The following NPTX2 variants were observed in gnomAD, a reference collection of about 807,000 sequenced individuals.
NPTX2 encodes neuronal pentraxin-2.
NPTX2 carries 23 observed loss-of-function variants against 38.1 expected under a neutral mutation model. The observed-to-expected ratio is 0.60, with a 90% CI of 0.43 to 0.85. The LOEUF (loss-of-function observed/expected upper bound fraction) is 0.85. Ranked by LOEUF, NPTX2 falls within the 40% of genes least tolerant of loss-of-function variation. NPTX2 has a pLI of 0.00. For missense variants in NPTX2, 553 were observed against 615.3 expected, an observed-to-expected ratio of 0.90 and a Z score of 1.07; for synonymous variants, 291 against 287.3, an observed-to-expected ratio of 1.01 and a Z score of -0.13.
rs555892649 is a variant in NPTX2, at chr7:98,617,703, G to T, written c.242G>T (p.Arg81Leu). The T allele has an allele frequency of 6.8e-5, 98 of 1,441,480 alleles. No homozygotes were observed. Among genetic ancestry groups the T allele is most frequent in the Non-Finnish European group, 8.3e-5 (92 of 1,109,050 alleles). 89.3% of individuals were successfully genotyped at this position (1,441,480 alleles called of 1,614,324 possible). The change falls in exon 1 of 5, where the codon CGC (arginine) becomes CTC (leucine). Residue 81 changes from arginine (R) to leucine (L), a missense_variant. By Grantham distance (102) the Arg-to-Leu change is moderately radical. Transcript: ENST00000265634. Reference protein sequence around the residue: ...VQQKETLGAQREAIRELTGKL... With the variant: ...VQQKETLGAQLEAIRELTGKL... ...CAGAAGGAGACGCTGGGCGCGCAGC[G>T]CGAGGCCATCCGCGAGCTCACGGGC...
chr7:98,623,858 T>C (rs1791306253), intron 2 of NPTX2, among the ~76,000 whole-genome samples: 3 of 152,210 alleles, frequency 2.0e-5, no homozygotes, highest in Admixed American at 2.0e-4. Flanking sequence ...AGTTATAAGA[T>C]GTGGCTAAGG....
intron 2 of NPTX2, among the ~76,000 whole-genome samples, chr7:98,624,395 G>T (rs1791312564): frequency 6.6e-6 from 1 of 152,116 alleles, no homozygotes; most frequent in African/African-American, 2.4e-5. Context: ...ACCCATCCAA[G>T]AGCTTTTTTT....
At chr7:98,627,432 A>C (rs1263371461) in intron 4 of NPTX2, 88 bp downstream of exon 4, 2 of 1,127,214 alleles carry the variant, frequency 1.8e-6, no homozygotes, top group Non-Finnish European at 2.6e-6. Context: ...TGGTGCGAGG[A>C]GGGGCCAACT....
In NPTX2 at chr7:98,617,827, C is replaced by A. The variant is rs1791197787; in HGVS notation, c.366C>A (p.His122Gln). 2 of 1,547,386 alleles carry A rather than the reference C, an allele frequency of 1.3e-6. No individual in the cohort carries two copies. Among genetic ancestry groups the A allele is most frequent in the African/African-American group, 1.4e-5 (1 of 72,710 alleles). Residue 122 changes from histidine (H) to glutamine (Q), a missense_variant, in exon 1 of 5, where the codon CAC (histidine) becomes CAA (glutamine). By Grantham distance (24) the His-to-Gln change is conservative. Coordinates refer to ENST00000265634, the MANE Select transcript of NPTX2 (RefSeq NM_002523.3). ...TMGDLPRDPG[H>Q]VVEQLSRSLQ... Reference sequence around the variant, plus strand: ...GCGACCTGCCGCGGGACCCCGGCCACGTCGTGGAGCAGCTCAGCCGCTCGC... The same window carrying A: ...GCGACCTGCCGCGGGACCCCGGCCAAGTCGTGGAGCAGCTCAGCCGCTCGC...
chr7:98,625,290 C>T (rs902191439), intron 3 of NPTX2, 124 bp downstream of exon 3: 12 of 1,068,188 alleles, frequency 1.1e-5, no homozygotes, highest in Admixed American at 2.9e-5. Context: ...CATGGGACTG[C>T]GGGGCTGTCC....
intron 2 of NPTX2, among the ~76,000 whole-genome samples, chr7:98,621,153 A>T (rs1462402778): frequency 6.6e-6 from 1 of 151,924 alleles, no homozygotes; most frequent in Non-Finnish European, 1.5e-5. Context: ...CACTGGGCTT[A>T]CTCCTAAGGT....
chr7:98,624,617 C>A (rs1485275241), intron 2 of NPTX2, among the ~76,000 whole-genome samples: 1 of 152,158 alleles, frequency 6.6e-6, no homozygotes, highest in African/African-American at 2.4e-5. Flanking sequence ...CCCGGCCACT[C>A]CCCGTCTTAG....
intron 3 of NPTX2, among the ~76,000 whole-genome samples, chr7:98,626,908 C>A (rs79474547): frequency 6.6e-6 from 1 of 152,172 alleles, no homozygotes; most frequent in African/African-American, 2.4e-5. Context: ...TCAGGGCCAG[C>A]GTGGGGGTGT....
rs1459083563 is a variant in NPTX2 at position 98,619,817 on chromosome 7, A to C, written c.601A>C (p.Thr201Pro). 1 of 1,613,890 alleles carries C rather than the reference A, an allele frequency of 6.2e-7. No homozygotes were observed. The highest frequency in any genetic ancestry group is 1.7e-5 in the Admixed American group (1 of 60,018). Reference sequence around the variant, plus strand: ...GGCTCACCGGCAGAAGACCGAGAGCACCCTGAACGCGCTGCTGCAGAGGGT... The same window carrying C: ...GGCTCACCGGCAGAAGACCGAGAGCCCCCTGAACGCGCTGCTGCAGAGGGT... ...TSAHRQKTES[T>P]LNALLQRVTE... The change falls in exon 2 of 5, where the codon ACC becomes CCC. Residue 201 changes from threonine to proline, a missense_variant. Physicochemically the swap from Thr to Pro is conservative, Grantham distance 38. Coordinates refer to ENST00000265634, the MANE Select transcript of NPTX2 (RefSeq NM_002523.3).
At chr7:98,619,033 C>T (rs915612768) in intron 1 of NPTX2, among the ~76,000 whole-genome samples, 1 of 152,074 alleles carries the variant, frequency 6.6e-6, no homozygotes, top group Non-Finnish European at 1.5e-5. Flanking sequence ...AATAGCTTGC[C>T]ATGAACTCAT....
chr7:98,628,301 T>C, intron 4 of NPTX2, 101 bp from the exon 5 acceptor site: 1 of 642,658 alleles, frequency 1.6e-6, no homozygotes, highest in Non-Finnish European at 2.9e-6. Flanking sequence ...TGGTCAGAGC[T>C]GGGGGGCATC....
chr7:98,626,136 T>C (rs1562851058), intron 3 of NPTX2, among the ~76,000 whole-genome samples: 1 of 122,800 alleles, frequency 8.1e-6, no homozygotes, highest in Non-Finnish European at 1.6e-5. Flanking sequence ...GACAGAGCGA[T>C]ACCCTGTCTC....
At chr7:98,621,598 T>C (rs1416288449) in intron 2 of NPTX2, among the ~76,000 whole-genome samples, 1 of 152,210 alleles carries the variant, frequency 6.6e-6, no homozygotes, top group Non-Finnish European at 1.5e-5. Context: ...TTGGAAACGA[T>C]GCCAAGTTTC....
chr7:98,623,168 G>A (rs1270764948), intron 2 of NPTX2, among the ~76,000 whole-genome samples: 2 of 152,178 alleles, frequency 1.3e-5, no homozygotes, highest in African/African-American at 2.4e-5. Context: ...CTGAGCCCTT[G>A]TGGATGCTTA....
intron 3 of NPTX2, 91 bp from the exon 4 acceptor site, chr7:98,627,074 G>A (rs80240522): frequency 1.3e-6 from 1 of 797,010 alleles, no homozygotes; most frequent in East Asian, 2.6e-5. Context: ...GTGGCCCAGG[G>A]GGACTGTGGG....
chr7:98,625,425 G>A (rs930096710), intron 3 of NPTX2, among the ~76,000 whole-genome samples: 2 of 152,204 alleles, frequency 1.3e-5, no homozygotes, highest in African/African-American at 4.8e-5. Context: ...TGGAAGGGCA[G>A]AAGGAACAGA....
chr7:98,624,969 C>G lies in NPTX2; in HGVS notation c.691C>G (p.Leu231Val), dbSNP rs1255809930. 1.2e-6 allele frequency: 2 copies of G among 1,613,928 alleles called. No homozygotes were observed. Among genetic ancestry groups the G allele is most frequent in the South Asian group, 2.2e-5 (2 of 91,082 alleles). ...SPDAFKVSLP[L>V]RTNYLYGKIK... Reference sequence around the variant, plus strand: ...AGATGCGTTCAAGGTGTCCCTCCCACTCCGCACAAACTACCTATACGGCAA... The same window carrying G: ...AGATGCGTTCAAGGTGTCCCTCCCAGTCCGCACAAACTACCTATACGGCAA... The change falls in exon 3 of 5, where the codon CTC becomes GTC. Residue 231 changes from leucine (L) to valine (V), a missense_variant. Leu to Val is a conservative substitution (Grantham distance 32). Transcript: ENST00000265634.
In NPTX2 at chr7:98,627,085, G is replaced by T. The variant is rs934079178; in HGVS notation, c.889-80G>T. 4.4e-6 allele frequency: 4 copies of T among 905,916 alleles called. No homozygotes were observed. The South Asian group carries it at 6.0e-5, about 14-fold the overall frequency. The allele number at this position is 905,916 out of a possible 1,614,324, so 56.1% of individuals were successfully genotyped here. Reference sequence around the variant, plus strand: ...CAGTGTGGCCCAGGGGGACTGTGGGGTGTCCTTCCTGCTTCCTGCCCTGGG... The same window carrying T: ...CAGTGTGGCCCAGGGGGACTGTGGGTTGTCCTTCCTGCTTCCTGCCCTGGG... On this transcript the variant is annotated intron_variant, in intron 3 of 4. Coordinates refer to ENST00000265634, the MANE Select transcript of NPTX2 (RefSeq NM_002523.3).
Position 98,627,253 on chromosome 7 carries a change from T to C in NPTX2, c.977T>C (p.Phe326Ser). ...WTTRDGMWEAFQDGEKLGTGE... is the reference protein window; with the variant it reads ...WTTRDGMWEASQDGEKLGTGE... ...ACACGGGATGGCATGTGGGAGGCAT[T>C]CCAGGACGGAGAGAAGCTGGGCACT... The change falls in exon 4 of 5, where the codon TTC becomes TCC. Residue 326 changes from phenylalanine (F) to serine (S), a missense_variant. Transcript: ENST00000265634. 1 of 1,613,692 alleles carries C rather than the reference T, an allele frequency of 6.2e-7. No individual in the cohort carries two copies. Among genetic ancestry groups the C allele is most frequent in the Non-Finnish European group, 8.5e-7 (1 of 1,179,648 alleles).
Sources: allele counts gnomAD v4.1 joint callset (sites outside exome capture counted in the v4.1 genomes callset), GRCh38; gene constraint gnomAD v4.1.1; transcripts MANE v1.5; gene names NCBI Gene and HGNC (gene_info 2026-07-23, HGNC 2026-07-21).